The following ADAMTS12 variants were observed in gnomAD, a reference collection of about 807,000 sequenced individuals.
ADAMTS12 encodes the protein ADAM metallopeptidase with thrombospondin type 1 motif 12.
A neutral mutation model predicts 167.8 loss-of-function variants in ADAMTS12; 118 were observed. The ratio of observed to expected loss-of-function variants is 0.70; its 90% CI spans 0.61 to 0.82. ADAMTS12 has a LOEUF of 0.82. ADAMTS12 is among the 40% of genes least tolerant of loss of function. The probability of loss-of-function intolerance (pLI) is 0.00; values close to 1 mark genes in which losing one functional copy is unlikely to be tolerated. For synonymous variants in ADAMTS12, 704 were observed against 716.9 expected (o/e 0.98, Z 0.29); for missense variants, 1,916 against 1,998.8 (o/e 0.96, Z 0.79).
intron 20 of ADAMTS12, among the ~76,000 whole-genome samples, chr5:33,558,076 A>T (rs1745567593): frequency 6.6e-6 from 1 of 152,104 alleles, no homozygotes; most frequent in African/African-American, 2.4e-5. Flanking sequence ...TAATTATTTC[A>T]TTATATATGA....
chr5:33,711,959 C>A (rs1402322248), intron 3 of ADAMTS12, among the ~76,000 whole-genome samples: 1 of 152,000 alleles, frequency 6.6e-6, no homozygotes, highest in African/African-American at 2.4e-5. Flanking sequence ...AGTAGGTTAC[C>A]AGTGAAGGCA....
At chr5:33,720,114 T>C (rs919641734) in intron 3 of ADAMTS12, among the ~76,000 whole-genome samples, 7 of 152,080 alleles carry the variant, frequency 4.6e-5, no homozygotes, top group Non-Finnish European at 1.0e-4. Flanking sequence ...CAGACATCCA[T>C]GATTGAAGCT....
chr5:33,814,498 A>T (rs1747578299), intron 2 of ADAMTS12, among the ~76,000 whole-genome samples: 1 of 152,224 alleles, frequency 6.6e-6, no homozygotes, highest in Non-Finnish European at 1.5e-5. Context: ...TTAAGCAGTT[A>T]GATACATGAG....
intron 13 of ADAMTS12, among the ~76,000 whole-genome samples, chr5:33,627,521 G>T (rs1052179031): frequency 4.6e-5 from 7 of 151,788 alleles, no homozygotes; most frequent in Non-Finnish European, 1.0e-4. Context: ...TGGTAGTGGT[G>T]GTGGTATAGT....
intron 13 of ADAMTS12, among the ~76,000 whole-genome samples, chr5:33,626,613 TGAG>T (rs1287411922): frequency 4.1e-5 from 6 of 147,944 alleles, no homozygotes; most frequent in Non-Finnish European, 3.0e-5. Flanking sequence ...GTGGTGGTGG[TGAG>T]GTGACGGTGG....
rs758439702 is a variant in ADAMTS12 at position 33,526,062 on chromosome 5, T to A, written c.*1126A>T. 6.6e-6 allele frequency: 1 copy of A among 152,122 alleles called. No individual in the cohort carries two copies. Among genetic ancestry groups the A allele is most frequent in the Admixed American group, 6.5e-5 (1 of 15,268 alleles). The allele number at this position is 152,122 out of a possible 1,614,324, so 9.4% of individuals were successfully genotyped here. ...ACTACATATTGGGTACACTGAGGAG[T>A]AGATCCCCTTTACCTTACTTTTTAG... On this transcript the variant is annotated 3_prime_UTR_variant, in exon 24 of 24. Transcript: ENST00000504830.
intron 3 of ADAMTS12, among the ~76,000 whole-genome samples, chr5:33,738,531 C>T (rs182248904): frequency 7.6e-4 from 116 of 152,256 alleles, no homozygotes; most frequent in African/African-American, 2.7e-3. Context: ...TCGGCTTTCA[C>T]CTCTCATGTC....
intron 3 of ADAMTS12, among the ~76,000 whole-genome samples, chr5:33,721,895 T>C (rs1221920461): frequency 6.6e-6 from 1 of 152,214 alleles, no homozygotes. Context: ...TCTGAAGGGC[T>C]AAAACCAAAT....
At chr5:33,751,272 T>G in intron 3 of ADAMTS12, 132 bp downstream of exon 3, 1 of 1,094,414 alleles carries the variant, frequency 9.1e-7, no homozygotes. Flanking sequence ...GATTTGAATG[T>G]CATGAAGATA....
intron 12 of ADAMTS12, among the ~76,000 whole-genome samples, chr5:33,631,279 C>A (rs1309654836): frequency 6.6e-6 from 1 of 152,072 alleles, no homozygotes; most frequent in Non-Finnish European, 1.5e-5. Flanking sequence ...TGCAACCAGC[C>A]ATGAAGGACT....
chr5:33,877,193 C>T (rs1455500824), intron 2 of ADAMTS12, among the ~76,000 whole-genome samples: 1 of 152,100 alleles, frequency 6.6e-6, no homozygotes, highest in Non-Finnish European at 1.5e-5. Context: ...TTAGTAAAGC[C>T]TGAGCTAAGA....
intron 1 of ADAMTS12, among the ~76,000 whole-genome samples, chr5:33,885,166 A>G (rs1750592122): frequency 1.3e-5 from 2 of 152,216 alleles, no homozygotes; most frequent in Non-Finnish European, 2.9e-5. Context: ...TTTTTGTGTG[A>G]GATGATATAT....
At chr5:33,861,142 A>T (rs183298405) in intron 2 of ADAMTS12, among the ~76,000 whole-genome samples, 3 of 152,354 alleles carry the variant, frequency 2.0e-5, no homozygotes, top group African/African-American at 7.2e-5. Flanking sequence ...CAAAATAATC[A>T]GCTAACGCCA....
At chr5:33,822,407 C>A (rs370731324) in intron 2 of ADAMTS12, among the ~76,000 whole-genome samples, 3 of 152,232 alleles carry the variant, frequency 2.0e-5, no homozygotes, top group East Asian at 3.9e-4. Context: ...TGATCTCATT[C>A]ACTTTTTATT....
At chr5:33,568,984 G>T (rs554949755) in intron 19 of ADAMTS12, among the ~76,000 whole-genome samples, 2 of 152,218 alleles carry the variant, frequency 1.3e-5, no homozygotes, top group Non-Finnish European at 2.9e-5. Context: ...ACGGAGTCTC[G>T]CTGATTGCTA....
intron 2 of ADAMTS12, among the ~76,000 whole-genome samples, chr5:33,753,288 T>C (rs894515508): frequency 6.6e-6 from 1 of 152,168 alleles, no homozygotes; most frequent in Non-Finnish European, 1.5e-5. Flanking sequence ...TTAGAAAACA[T>C]GACATTTTTT....
At chr5:33,632,374 G>C (rs1284180242) in intron 12 of ADAMTS12, among the ~76,000 whole-genome samples, 1 of 95,226 alleles carries the variant, frequency 1.1e-5, no homozygotes, top group African/African-American at 3.1e-5. Flanking sequence ...TAACAAACAA[G>C]CACATGTGCT....
intron 3 of ADAMTS12, among the ~76,000 whole-genome samples, chr5:33,747,433 G>T (rs1561249665): frequency 6.6e-6 from 1 of 152,036 alleles, no homozygotes; most frequent in East Asian, 1.9e-4. Context: ...ATATAATATG[G>T]GAAAATGGGA....
At chr5:33,625,418 G>A (rs999535506) in intron 13 of ADAMTS12, among the ~76,000 whole-genome samples, 16 of 152,152 alleles carry the variant, frequency 1.1e-4, no homozygotes, top group African/African-American at 2.7e-4. Flanking sequence ...CAAGCAATAT[G>A]TTTGCATCAA....
Sources: allele counts gnomAD v4.1 joint callset (sites outside exome capture counted in the v4.1 genomes callset), GRCh38; gene constraint gnomAD v4.1.1; transcripts MANE v1.5; gene names NCBI Gene and HGNC (gene_info 2026-07-23, HGNC 2026-07-21).